The following VCF1 variants were observed in gnomAD, a reference collection of about 807,000 sequenced individuals.
The protein encoded by VCF1 is protein VCF1.
chr17:73,231,256 C>A, the VCF1 span, among the ~76,000 whole-genome samples: 2 of 152,140 alleles, frequency 1.3e-5, no homozygotes, highest in Non-Finnish European at 2.9e-5. Flanking sequence ...GTGGAAAGAC[C>A]GTAACAGGAA....
At chr17:73,214,770 C>A in the VCF1 span, among the ~76,000 whole-genome samples, 1 of 152,172 alleles carries the variant, frequency 6.6e-6, no homozygotes, top group African/African-American at 2.4e-5. Context: ...GAAGTGTTTA[C>A]CTTGTCACAT....
the VCF1 span, among the ~76,000 whole-genome samples, chr17:73,217,581 C>T: frequency 2.7e-5 from 4 of 150,444 alleles, no homozygotes; most frequent in Non-Finnish European, 4.4e-5. Flanking sequence ...ATCTGGGAGG[C>T]GGAGGTTGCA....
chr17:73,208,292 T>G, the VCF1 span: 1 of 1,612,664 alleles, frequency 6.2e-7, no homozygotes, highest in Non-Finnish European at 8.5e-7. Flanking sequence ...TCTAAGGCAC[T>G]TTTCTCTACA....
the VCF1 span, chr17:73,232,224 C>T: frequency 1.9e-6 from 3 of 1,611,348 alleles, no homozygotes; most frequent in African/African-American, 4.0e-5. Context: ...CGCAGCCGCT[C>T]GGGTGGACGC....
chr17:73,208,365 T>C, the VCF1 span: 1 of 1,614,068 alleles, frequency 6.2e-7, no homozygotes, highest in African/African-American at 1.3e-5. Context: ...TCCTGGCTCC[T>C]TGTTCAGACA....
the VCF1 span, among the ~76,000 whole-genome samples, chr17:73,219,205 A>AC: frequency 2.0e-5 from 3 of 151,616 alleles, no homozygotes. Context: ...AAAAAAAAAA[A>AC]AAAAAAAACG....
chr17:73,209,722 C>T, the VCF1 span: 1 of 986,580 alleles, frequency 1.0e-6, no homozygotes. Context: ...GCTATTGATG[C>T]TGCTGCTGCT....
the VCF1 span, among the ~76,000 whole-genome samples, chr17:73,226,211 T>G: frequency 1.3e-5 from 2 of 152,244 alleles, no homozygotes; most frequent in East Asian, 1.9e-4. Context: ...AGGAAAATAT[T>G]TGAAGAGGAA....
chr17:73,212,611 G>A, the VCF1 span: 1 of 1,314,306 alleles, frequency 7.6e-7, no homozygotes, highest in South Asian at 1.3e-5. Flanking sequence ...AATGTAGAAT[G>A]GCCACTTGCA....
chr17:73,224,965 C>CACAGGACAGG, the VCF1 span, among the ~76,000 whole-genome samples: 7 of 61,618 alleles, frequency 1.1e-4, no homozygotes, highest in Non-Finnish European at 2.3e-4. Flanking sequence ...GACAGGACAG[C>CACAGGACAGG]ACAGCACAGC....
chr17:73,214,115 T>C, the VCF1 span, among the ~76,000 whole-genome samples: 1 of 152,256 alleles, frequency 6.6e-6, no homozygotes, highest in East Asian at 1.9e-4. Flanking sequence ...CTTCTAAAGC[T>C]GCTTCAGTTG....
chr17:73,219,942 C>G, the VCF1 span, among the ~76,000 whole-genome samples: 1 of 151,174 alleles, frequency 6.6e-6, no homozygotes, highest in African/African-American at 2.4e-5. Flanking sequence ...TACCACCACA[C>G]TCTAGCCTGG....
the VCF1 span, among the ~76,000 whole-genome samples, chr17:73,212,508 GC>G: frequency 0.58 from 88,146 of 152,094 alleles, 25,719 homozygotes; most frequent in Non-Finnish European, 0.62. Flanking sequence ...AGGATTTGCA[GC>G]CAGCTGCAAC....
At chr17:73,228,056 T>C in the VCF1 span, among the ~76,000 whole-genome samples, 1 of 152,374 alleles carries the variant, frequency 6.6e-6, no homozygotes, top group African/African-American at 2.4e-5. Flanking sequence ...GTTATTTACA[T>C]TTAAATTAAC....
chr17:73,211,337 G>A, the VCF1 span, among the ~76,000 whole-genome samples: 2 of 152,032 alleles, frequency 1.3e-5, no homozygotes, highest in Non-Finnish European at 2.9e-5. Flanking sequence ...AAAATTGGCC[G>A]GGTGCAGTGG....
chr17:73,222,140 G>A, the VCF1 span, among the ~76,000 whole-genome samples: 367 of 147,264 alleles, frequency 2.5e-3, 11 homozygotes, highest in Non-Finnish European at 3.1e-4. Context: ...CACAGCTGCA[G>A]TAAGCCATGA....
At chr17:73,224,107 G>A in the VCF1 span, among the ~76,000 whole-genome samples, 36 of 148,988 alleles carry the variant, frequency 2.4e-4, no homozygotes, top group Admixed American at 2.2e-3. Flanking sequence ...GGAGAGAAGG[G>A]GAGGGGAGAA....
chr17:73,216,583 T>C, the VCF1 span, among the ~76,000 whole-genome samples: 1 of 151,146 alleles, frequency 6.6e-6, no homozygotes, highest in Non-Finnish European at 1.5e-5. Flanking sequence ...AAAGAAACAG[T>C]GGGTAAAAGG....
the VCF1 span, chr17:73,229,154 A>ATAAATTAT: frequency 2.0e-6 from 2 of 985,300 alleles, no homozygotes; most frequent in African/African-American, 3.5e-5. Context: ...AAATTACTTG[A>ATAAATTAT]TCTCTCAAGG....
Sources: gnomAD v4.1 joint callset for allele counts (sites outside exome capture counted in the v4.1 genomes callset) on GRCh38, gnomAD v4.1.1 for gene constraint, MANE v1.5 for transcripts, NCBI Gene and HGNC (gene_info 2026-07-23, HGNC 2026-07-21) for gene names.